The following GCNT4 variants were observed in gnomAD, a reference collection of about 807,000 sequenced individuals.
The protein encoded by GCNT4 is beta-1,3-galactosyl-O-glycosyl-glycoprotein beta-1,6-N-acetylglucosaminyltransferase 4.
Under a neutral mutation model 31.3 loss-of-function variants are expected in GCNT4, and 17 were observed. That is an observed-to-expected ratio of 0.54 (90% confidence interval 0.37 to 0.81). The LOEUF (loss-of-function observed/expected upper bound fraction) is 0.81. Ranked by LOEUF, GCNT4 falls within the 40% of genes least tolerant of loss-of-function variation. The pLI is 0.00. For synonymous variants in GCNT4, 158 were observed against 190.6 expected, an observed-to-expected ratio of 0.83 and a Z score of 1.41; for missense variants, 503 against 525.5, an observed-to-expected ratio of 0.96 and a Z score of 0.42.
At chr5:75,041,943 TTAACAG>T (rs1743330030) in intron 3 of GCNT4, among the ~76,000 whole-genome samples, 1 of 152,202 alleles carries the variant, frequency 6.6e-6, no homozygotes, top group Non-Finnish European at 1.5e-5. Flanking sequence ...GAGTAAAACA[TTAACAG>T]TTTTTCTCTA....
chr5:75,024,294 C>T (rs536595899), downstream of GCNT4, among the ~76,000 whole-genome samples: 2 of 152,308 alleles, frequency 1.3e-5, no homozygotes, highest in Non-Finnish European at 2.9e-5. Flanking sequence ...CCTGAAATTA[C>T]TGTGAATTTG....
At chr5:75,021,454 G>A (rs4492095), downstream of GCNT4, among the ~76,000 whole-genome samples, 10 of 152,122 alleles carry the variant, frequency 6.6e-5, no homozygotes, top group Admixed American at 2.0e-4. Flanking sequence ...CTTGGGTCAC[G>A]TGACCACCTC....
chr5:75,024,586 T>C (rs1742919850), downstream of GCNT4, among the ~76,000 whole-genome samples: 1 of 152,042 alleles, frequency 6.6e-6, no homozygotes, highest in South Asian at 2.1e-4. Context: ...GAGCAGAAGC[T>C]CATCAGGAAT....
In GCNT4 at chr5:75,027,443, T is replaced by A. The variant is rs1006655766; in HGVS notation, c.*1233A>T. ...ATATTACATATATATAAAATATATA[T>A]TATATATATATATTTTTGACTCATT... is the stretch of plus-strand genomic sequence containing the variant. On this transcript the variant is annotated 3_prime_UTR_variant, in exon 4 of 4. Transcript: ENST00000652361. The A allele has an allele frequency of 2.0e-4, 28 of 143,394 alleles. No individual in the cohort carries two copies. The highest frequency in any genetic ancestry group is 4.3e-4 in the South Asian group (2 of 4,662). The allele number at this position is 143,394 out of a possible 1,614,324, so 8.9% of individuals were successfully genotyped here.
chr5:75,033,771 A>T (rs1417222025), intron 3 of GCNT4, among the ~76,000 whole-genome samples: 2 of 151,848 alleles, frequency 1.3e-5, no homozygotes, highest in Non-Finnish European at 2.9e-5. Context: ...TGCACCTATC[A>T]ACCCGTCATC....
At position 75,029,223 on chromosome 5, in the gene GCNT4, C is replaced by T. The variant is rs1743009559; in HGVS notation, c.815G>A (p.Arg272Lys). 6.2e-7 allele frequency: 1 copy of T among 1,614,114 alleles called. No individual in the cohort carries two copies. Among genetic ancestry groups the T allele is most frequent in the Non-Finnish European group, 8.5e-7 (1 of 1,180,024 alleles). ...CTTCACATATTCATAAGGCACCCGT[C>T]TAAGTTCATGATGGTAAGTGAATCT... ...LERFTYHHEL[R>K]RVPYEYVKLP... is the part of the protein sequence containing the mutation. The change falls in exon 4 of 4, where the codon AGA (arginine) becomes AAA (lysine). Residue 272 changes from arginine (R) to lysine (K), a missense_variant. Physicochemically the swap from Arg to Lys is conservative, Grantham distance 26 (BLOSUM62 2). Transcript: ENST00000652361.
Position 75,029,496 on chromosome 5 carries a change from T to G in GCNT4, c.542A>C (p.Lys181Thr), listed in dbSNP as rs751768488. 1 of 1,614,084 alleles carries G rather than the reference T, an allele frequency of 6.2e-7. No homozygotes were observed. The highest frequency in any genetic ancestry group is 1.7e-5 in the Admixed American group (1 of 60,024). ...AGCAATGAAAATATTGGAGAAGCACTTAGCTAAATTGTTCATGGCAACTTT... is the reference window on the plus strand; with the variant it reads ...AGCAATGAAAATATTGGAGAAGCACGTAGCTAAATTGTTCATGGCAACTTT... ...TFKVAMNNLA[K>T]CFSNIFIASK... Residue 181 changes from lysine to threonine, a missense_variant, in exon 4 of 4, where the codon AAG (lysine) becomes ACG (threonine). By Grantham distance (78) the Lys-to-Thr change is moderately conservative. Transcript: ENST00000652361.
At chr5:75,047,315 A>G (rs937693981) in intron 3 of GCNT4, among the ~76,000 whole-genome samples, 14 of 152,242 alleles carry the variant, frequency 9.2e-5, no homozygotes, top group Non-Finnish European at 1.9e-4. Context: ...GAGACTACAA[A>G]GAACTTTATT....
Position 75,036,775 on chromosome 5 carries a change from T to C in GCNT4, c.-1-6737A>G, listed in dbSNP as rs149693905. ...TCAGTCTTCCAGCCCGTAGAATCAA[T>C]TCAAGGAAAAGAGAGCAAGCTCATC... On this transcript the variant is annotated intron_variant, in intron 3 of 3. Coordinates refer to ENST00000652361, the MANE Select transcript of GCNT4 (RefSeq NM_001366737.1). Among the ~76,000 whole-genome samples the C allele has an allele frequency of 1.9e-3, 288 of 152,308 alleles. 1 individual carries two copies. The highest frequency in any genetic ancestry group is 5.6e-3 in the Admixed American group (85 of 15,302).
At chr5:75,036,916 T>C (rs1743212529) in intron 3 of GCNT4, among the ~76,000 whole-genome samples, 1 of 152,236 alleles carries the variant, frequency 6.6e-6, no homozygotes, top group African/African-American at 2.4e-5. Context: ...TTGCTAATTG[T>C]TTTAGAAAAC....
rs546938860 is a variant in GCNT4 at position 75,043,627 on chromosome 5, A to G, written c.-2+4270T>C. ...CCCACCTTGAGACCATGAGGAACAG[A>G]CCAAGAGAATATCAGAGACCTCAGC... On this transcript the variant is annotated intron_variant, in intron 3 of 3. Transcript: ENST00000652361. Among the ~76,000 whole-genome samples, 12 of 152,310 alleles carry G rather than the reference A, an allele frequency of 7.9e-5. No individual in the cohort carries two copies. In the South Asian group the frequency reaches 2.5e-3, roughly 32 times the overall value.
At chr5:75,043,804 C>T (rs1743374987) in intron 3 of GCNT4, among the ~76,000 whole-genome samples, 1 of 152,192 alleles carries the variant, frequency 6.6e-6, no homozygotes, top group African/African-American at 2.4e-5. Context: ...TATACATACG[C>T]ATGTCCAGGA....
At chr5:75,034,610 G>A (rs922880175) in intron 3 of GCNT4, among the ~76,000 whole-genome samples, 4 of 152,172 alleles carry the variant, frequency 2.6e-5, no homozygotes, top group African/African-American at 7.2e-5. Flanking sequence ...CGGGAGAAGC[G>A]GTATTTCCCC....
intron 3 of GCNT4, among the ~76,000 whole-genome samples, chr5:75,032,877 GTGT>G (rs1249251000): frequency 0.034 from 2,627 of 76,580 alleles, 38 homozygotes; most frequent in African/African-American, 0.042. Flanking sequence ...ATAGGGGTGT[GTGT>G]GTGTGTGTGT....
In GCNT4 at chr5:75,029,888, T is replaced by C; in HGVS notation, c.150A>G (p.Leu50=). 6.2e-7 allele frequency: 1 copy of C among 1,614,164 alleles called. No individual in the cohort carries two copies. The highest frequency in any genetic ancestry group is 8.5e-7 in the Non-Finnish European group (1 of 1,180,016). The change falls in exon 4 of 4, where the codon CTA becomes CTG. Residue 50 remains leucine, a synonymous_variant. Transcript: ENST00000652361. ...QKDIYLVEYS[L]STSPFVRNRY... ...TGTTTCTTACAAAAGGCGAGGTACT[T>C]AGGGAGTACTCAACCAAGTAAATGT...
At chr5:75,031,327 CT>C (rs1743057626) in intron 3 of GCNT4, among the ~76,000 whole-genome samples, 1 of 152,208 alleles carries the variant, frequency 6.6e-6, no homozygotes, top group African/African-American at 2.4e-5. Flanking sequence ...CTACTTCAGC[CT>C]CCCAAAGTGC....
At chr5:75,035,551 G>A (rs1171054136) in intron 3 of GCNT4, among the ~76,000 whole-genome samples, 3 of 152,184 alleles carry the variant, frequency 2.0e-5, no homozygotes, top group Non-Finnish European at 4.4e-5. Context: ...GCTCTCTGAA[G>A]GCCAGTTTTC....
intron 3 of GCNT4, among the ~76,000 whole-genome samples, chr5:75,035,377 G>A (rs1456111031): frequency 6.6e-6 from 1 of 152,266 alleles, no homozygotes; most frequent in Admixed American, 6.5e-5. Context: ...GACAGAGTAA[G>A]GCTGAGTTTA....
upstream of GCNT4, among the ~76,000 whole-genome samples, chr5:75,053,585 G>C (rs1277695487): frequency 6.6e-6 from 1 of 152,112 alleles, no homozygotes; most frequent in Non-Finnish European, 1.5e-5. Context: ...GGGGCCGAGG[G>C]TTGCGCTCTG....
Sources: gnomAD v4.1 joint callset for allele counts (sites outside exome capture counted in the v4.1 genomes callset) on GRCh38, gnomAD v4.1.1 for gene constraint, MANE v1.5 for transcripts, NCBI Gene and HGNC (gene_info 2026-07-23, HGNC 2026-07-21) for gene names.